GLRA2: variants seen among roughly 807,000 people sequenced by gnomAD.
GLRA2 encodes the protein glycine receptor subunit alpha-2.
Under a neutral mutation model 31.6 loss-of-function variants are expected in GLRA2, and 11 were observed. The observed-to-expected ratio is 0.35, with a 90% CI of 0.22 to 0.58. GLRA2 has a LOEUF of 0.58. Ranked by LOEUF, GLRA2 falls within the 20% of genes least tolerant of loss-of-function variation. The pLI is 0.84. For synonymous variants in GLRA2, 132 were observed against 134.0 expected (o/e 0.99, Z 0.10); for missense variants, 212 against 351.8 (o/e 0.60, Z 3.18).
intron 8 of GLRA2, among the ~76,000 whole-genome samples, chrX:14,722,784 G>C (rs1000231007): frequency 1.8e-5 from 2 of 111,415 alleles, no homozygotes; most frequent in Non-Finnish European, 3.8e-5. Context: ...GAGTGTAGGG[G>C]ATCCCACCAG....
chrX:14,725,239 C>T (rs552179277), intron 8 of GLRA2, among the ~76,000 whole-genome samples: 2 of 111,259 alleles, frequency 1.8e-5, no homozygotes, highest in South Asian at 3.8e-4. Flanking sequence ...CCCAAAGTAC[C>T]CATGATACAA....
chrX:14,476,941 C>T, the GLRA2 span, among the ~76,000 whole-genome samples: 1 of 111,578 alleles, frequency 9.0e-6, no homozygotes, highest in African/African-American at 3.3e-5. Context: ...TATGTCTAGA[C>T]CTCCCTGAAA....
chrX:14,519,282 T>C, the GLRA2 span, among the ~76,000 whole-genome samples: 648 of 111,474 alleles, frequency 5.8e-3, 6 homozygotes, highest in African/African-American at 0.02. Flanking sequence ...TAAATCCCAA[T>C]CCAAGAAATG....
At chrX:14,576,064 T>TA (rs76368177) in intron 3 of GLRA2, among the ~76,000 whole-genome samples, 18,406 of 88,377 alleles carry the variant, frequency 0.21, 1,828 homozygotes, top group Non-Finnish European at 0.3. Context: ...CATTGAGAAG[T>TA]AAAAAAAAAA....
At chrX:14,552,850 C>A (rs894811607) in intron 2 of GLRA2, among the ~76,000 whole-genome samples, 12 of 111,937 alleles carry the variant, frequency 1.1e-4, no homozygotes, top group African/African-American at 3.9e-4. Flanking sequence ...AAAGCCTCAA[C>A]AAACCTTGTC....
the GLRA2 span, among the ~76,000 whole-genome samples, chrX:14,519,685 C>A: frequency 8.9e-6 from 1 of 112,168 alleles, no homozygotes; most frequent in Non-Finnish European, 1.9e-5. Context: ...ATGAATGCCA[C>A]ATTTTGAAAC....
At chrX:14,487,924 C>T in the GLRA2 span, among the ~76,000 whole-genome samples, 1 of 111,728 alleles carries the variant, frequency 9.0e-6, no homozygotes, top group African/African-American at 3.3e-5. Flanking sequence ...ATTTTTCTTG[C>T]CTCCATAGAG....
intron 7 of GLRA2, among the ~76,000 whole-genome samples, chrX:14,678,180 A>T (rs950532235): frequency 8.9e-5 from 10 of 112,276 alleles, no homozygotes; most frequent in African/African-American, 3.2e-4. Context: ...AATTGTTTAA[A>T]CAAAACACCA....
chrX:14,491,390 G>A, the GLRA2 span, among the ~76,000 whole-genome samples: 9 of 111,211 alleles, frequency 8.1e-5, no homozygotes, highest in African/African-American at 2.3e-4. Flanking sequence ...TCTTCCTTTC[G>A]TAGGTTGCCT....
the GLRA2 span, among the ~76,000 whole-genome samples, chrX:14,494,536 C>T: frequency 5.4e-5 from 6 of 110,963 alleles, no homozygotes; most frequent in African/African-American, 2.0e-4. Flanking sequence ...TAAGTCCTAT[C>T]CTATTTAAAG....
chrX:14,492,815 G>A, the GLRA2 span, among the ~76,000 whole-genome samples: 1 of 111,933 alleles, frequency 8.9e-6, no homozygotes, highest in Non-Finnish European at 1.9e-5. Context: ...TAAAGAACAA[G>A]AATTTACGTC....
chrX:14,547,553 G>T (rs1352060298), intron 2 of GLRA2, among the ~76,000 whole-genome samples: 1 of 111,449 alleles, frequency 9.0e-6, no homozygotes, highest in Non-Finnish European at 1.9e-5. Flanking sequence ...ATGAGACAAA[G>T]AAGTGGGAAA....
the GLRA2 span, among the ~76,000 whole-genome samples, chrX:14,469,303 A>C: frequency 4.5e-3 from 500 of 111,701 alleles, 4 homozygotes; most frequent in African/African-American, 0.015. Context: ...TTTTAGGTCT[A>C]ACATTTAAGT....
At chrX:14,652,197 A>G (rs2090896424) in intron 7 of GLRA2, among the ~76,000 whole-genome samples, 1 of 111,845 alleles carries the variant, frequency 8.9e-6, no homozygotes, top group Non-Finnish European at 1.9e-5. Flanking sequence ...AAAGGCACTA[A>G]CTTAGAACAT....
chrX:14,713,907 A>G (rs890649825), intron 8 of GLRA2, among the ~76,000 whole-genome samples: 2 of 111,349 alleles, frequency 1.8e-5, no homozygotes, highest in Non-Finnish European at 3.8e-5. Context: ...TTTATTTGCT[A>G]TGTTGAAAAT....
chrX:14,453,442 T>C, the GLRA2 span, among the ~76,000 whole-genome samples: 1 of 111,394 alleles, frequency 9.0e-6, no homozygotes, highest in Non-Finnish European at 1.9e-5. Context: ...CAGTCCAAAA[T>C]ATCAATAGGC....
intron 7 of GLRA2, among the ~76,000 whole-genome samples, chrX:14,683,143 T>A (rs1338952403): frequency 3.6e-5 from 4 of 112,191 alleles, no homozygotes; most frequent in African/African-American, 1.3e-4. Context: ...TCCACAATGG[T>A]TGAACTAATT....
the GLRA2 span, among the ~76,000 whole-genome samples, chrX:14,483,962 G>C: frequency 2.7e-5 from 3 of 111,260 alleles, no homozygotes; most frequent in Non-Finnish European, 5.7e-5. Context: ...CCCATGCTGG[G>C]TGCTTCCTGC....
Position 14,730,889 on chromosome X carries a change from TATACACACAC to T in GLRA2, c.*406_*415del, listed in dbSNP as rs1260563639. The T allele has an allele frequency of 2.3e-5, 3 of 129,234 alleles. No homozygotes were observed. The highest frequency in any genetic ancestry group is 1.4e-4 in the African/African-American group (3 of 21,451). The allele number at this position is 129,234 out of a possible 1,213,427, so 10.7% of individuals were successfully genotyped here. ...CTAATTCTGGTACTGAAAAGTTAGC[TATACACACAC>T]ACACACACACACACACACACACACA... On this transcript the variant is annotated 3_prime_UTR_variant, in exon 9 of 9. Transcript: ENST00000218075.
Sources: allele counts gnomAD v4.1 joint callset (sites outside exome capture counted in the v4.1 genomes callset), GRCh38; gene constraint gnomAD v4.1.1; transcripts MANE v1.5; gene names NCBI Gene and HGNC (gene_info 2026-07-23, HGNC 2026-07-21).